Variants in SLC2A9 observed in about 807,000 individuals in gnomAD.
The protein encoded by SLC2A9 is solute carrier family 2 member 9.
In SLC2A9, 39 loss-of-function variants were observed where a neutral mutation model predicts 50.6. That is an observed-to-expected ratio of 0.77 (90% CI 0.60 to 1.01). The LOEUF (loss-of-function observed/expected upper bound fraction) is 1.01. Ranked by LOEUF, SLC2A9 falls within the 50% of genes least tolerant of loss-of-function variation. The pLI, the probability that SLC2A9 is intolerant of heterozygous loss-of-function variation, is 0.00. For missense variants in SLC2A9, 686 were observed against 677.6 expected (o/e 1.01, Z -0.14); for synonymous variants, 324 against 276.9 (o/e 1.17, Z -1.69).
At chr4:9,926,281 T>C (rs6843466) in intron 6 of SLC2A9, among the ~76,000 whole-genome samples, 6 of 27,456 alleles carry the variant, frequency 2.2e-4, no homozygotes, top group African/African-American at 4.3e-4. Flanking sequence ...CCAGTGGGTG[T>C]TCACCAATGC....
At chr4:9,960,030 C>T (rs1293020509) in intron 5 of SLC2A9, among the ~76,000 whole-genome samples, 1 of 152,216 alleles carries the variant, frequency 6.6e-6, no homozygotes, top group Non-Finnish European at 1.5e-5. Context: ...TATATTCTCC[C>T]CCAGTGTTTA....
intron 3 of SLC2A9, among the ~76,000 whole-genome samples, chr4:9,987,014 AG>A (rs1756840127): frequency 6.6e-6 from 1 of 152,236 alleles, no homozygotes; most frequent in Admixed American, 6.5e-5. Context: ...ACTTTGCATT[AG>A]TAGCTCATTT....
intron 6 of SLC2A9, among the ~76,000 whole-genome samples, chr4:9,940,887 A>C (rs1299402324): frequency 1.3e-5 from 2 of 152,248 alleles, no homozygotes; most frequent in African/African-American, 4.8e-5. Flanking sequence ...ACATAGATGA[A>C]ATTTAGAACT....
chr4:9,904,014 A>G (rs1209251430), intron 8 of SLC2A9, among the ~76,000 whole-genome samples: 1 of 149,982 alleles, frequency 6.7e-6, no homozygotes, highest in Non-Finnish European at 1.5e-5. Flanking sequence ...TAAATATGAT[A>G]TTTTTATATA....
intron 10 of SLC2A9, among the ~76,000 whole-genome samples, chr4:9,853,052 T>C (rs1730205688): frequency 6.6e-6 from 1 of 152,026 alleles, no homozygotes; most frequent in African/African-American, 2.4e-5. Flanking sequence ...GGTGTGCACC[T>C]GTAATCCCAG....
At chr4:9,813,218 T>A (rs1362794718) in intron 3 of SLC2A9, among the ~76,000 whole-genome samples, 2 of 152,198 alleles carry the variant, frequency 1.3e-5, no homozygotes, top group Non-Finnish European at 2.9e-5. Context: ...GGAAGTGGTG[T>A]TGGTGTGATA....
intron 10 of SLC2A9, among the ~76,000 whole-genome samples, chr4:9,852,627 G>T (rs188784157): frequency 1.1e-4 from 17 of 152,270 alleles, no homozygotes; most frequent in Non-Finnish European, 2.5e-4. Flanking sequence ...AAACAAAGGA[G>T]AAATAAGATG....
intron 4 of SLC2A9, among the ~76,000 whole-genome samples, chr4:9,984,426 G>C (rs1487507293): frequency 6.6e-6 from 1 of 152,216 alleles, no homozygotes; most frequent in Non-Finnish European, 1.5e-5. Flanking sequence ...GTGTGTGAGA[G>C]AGACAGAGAG....
At chr4:9,850,617 T>A (rs199885947) in intron 10 of SLC2A9, among the ~76,000 whole-genome samples, 9 of 152,036 alleles carry the variant, frequency 5.9e-5, no homozygotes, top group Admixed American at 5.9e-4. Context: ...ATCGAAGAAC[T>A]CTAGCAGACT....
At chr4:9,941,830 C>T (rs1457911192) in intron 6 of SLC2A9, 83 bp downstream of exon 6, 3 of 1,587,314 alleles carry the variant, frequency 1.9e-6, no homozygotes, top group East Asian at 2.3e-5. Context: ...CCTTCCTGTG[C>T]CCATTGGCCC....
chr4:9,872,844 G>T (rs1456624418), intron 10 of SLC2A9, among the ~76,000 whole-genome samples: 1 of 152,238 alleles, frequency 6.6e-6, no homozygotes, highest in African/African-American at 2.4e-5. Context: ...TTCATAAATA[G>T]TTAAAAGAGA....
At chr4:9,806,981 A>G (rs1184718433) in intron 3 of SLC2A9, among the ~76,000 whole-genome samples, 1 of 152,098 alleles carries the variant, frequency 6.6e-6, no homozygotes, top group Non-Finnish European at 1.5e-5. Flanking sequence ...TTCTCAGCCC[A>G]CTTTTCCAGC....
At chr4:9,773,992 C>CTT (rs34429694) in intron 1 of SLC2A9, among the ~76,000 whole-genome samples, 2,222 of 139,748 alleles carry the variant, frequency 0.016, 39 homozygotes, top group Admixed American at 0.042. Context: ...GAAACTCAGT[C>CTT]TTTTTTTTTT....
chr4:9,803,642 A>G (rs1304309177), intron 3 of SLC2A9, among the ~76,000 whole-genome samples: 2 of 152,108 alleles, frequency 1.3e-5, no homozygotes, highest in African/African-American at 4.8e-5. Flanking sequence ...TCACACTCTG[A>G]CCTCTTACTG....
At chr4:9,911,506 C>A (rs1022605057) in intron 7 of SLC2A9, among the ~76,000 whole-genome samples, 1 of 152,184 alleles carries the variant, frequency 6.6e-6, no homozygotes, top group African/African-American at 2.4e-5. Flanking sequence ...GCCCCGCCAG[C>A]CCCCACGGTG....
chr4:9,936,227 C>A (rs1237355597), intron 6 of SLC2A9, among the ~76,000 whole-genome samples: 1 of 152,132 alleles, frequency 6.6e-6, no homozygotes, highest in African/African-American at 2.4e-5. Context: ...GAACAGGATT[C>A]ATGCCTTTAT....
Position 9,826,722 on chromosome 4 carries a change from C to T in SLC2A9, c.1420-122G>A, listed in dbSNP as rs1373958480. 6 of 897,276 alleles carry T rather than the reference C, an allele frequency of 6.7e-6. No individual in the cohort carries two copies. In the East Asian group the frequency reaches 1.3e-4, roughly 20 times the overall value. 55.6% of individuals were successfully genotyped at this position (897,276 alleles called of 1,614,324 possible). The stretch of plus-strand genomic sequence containing the variant: ...TATACCAATACTCCTAGACAAAACA[C>T]CATGTGTGATGCTGGCTCAATAAGG... On this transcript the variant is annotated intron_variant, in intron 11 of 11. Transcript: ENST00000264784.
chr4:9,952,667 G>A (rs1253931162), intron 5 of SLC2A9, among the ~76,000 whole-genome samples: 1 of 151,980 alleles, frequency 6.6e-6, no homozygotes, highest in East Asian at 1.9e-4. Flanking sequence ...TAGGACTACA[G>A]GCATGCACCA....
chr4:9,917,660 A>G (rs1743131333), intron 7 of SLC2A9, among the ~76,000 whole-genome samples: 1 of 152,202 alleles, frequency 6.6e-6, no homozygotes, highest in African/African-American at 2.4e-5. Context: ...AAGTACGTGA[A>G]AAACATTCAT....
Sources: allele counts gnomAD v4.1 joint callset (sites outside exome capture counted in the v4.1 genomes callset), GRCh38; gene constraint gnomAD v4.1.1; transcripts MANE v1.5; gene names NCBI Gene and HGNC (gene_info 2026-07-23, HGNC 2026-07-21).